The following SRBD1 variants were observed in gnomAD, a reference collection of about 807,000 sequenced individuals.
The protein encoded by SRBD1 is S1 RNA binding domain 1, also known as S1 RNA-binding domain-containing protein 1.
A neutral mutation model predicts 115.3 loss-of-function variants in SRBD1; 88 were observed. That is an observed-to-expected ratio of 0.76 (90% CI 0.64 to 0.91). SRBD1 has a LOEUF of 0.91. Among genes scored for constraint, SRBD1 ranks in the 40% least tolerant of loss-of-function variants. The pLI is 0.00. For missense variants in SRBD1, 1,385 were observed against 1,177.4 expected (o/e 1.18, Z -2.58); for synonymous variants, 509 against 407.7 (o/e 1.25, Z -2.99).
intron 7 of SRBD1, among the ~76,000 whole-genome samples, chr2:45,578,636 C>A (rs967228767): frequency 2.6e-5 from 4 of 152,040 alleles, no homozygotes; most frequent in Non-Finnish European, 4.4e-5. Context: ...GAGACTGCCC[C>A]CTACAGACAT....
intron 14 of SRBD1, among the ~76,000 whole-genome samples, chr2:45,540,964 G>T (rs954154303): frequency 6.6e-6 from 1 of 152,234 alleles, no homozygotes; most frequent in African/African-American, 2.4e-5. Flanking sequence ...CACCTCTGTG[G>T]CCAGTGGTGC....
At chr2:45,549,529 G>C (rs1672228370) in intron 12 of SRBD1, among the ~76,000 whole-genome samples, 1 of 151,402 alleles carries the variant, frequency 6.6e-6, no homozygotes, top group African/African-American at 2.4e-5. Flanking sequence ...TAATGTATGA[G>C]AACAAGCTTC....
chr2:45,456,747 C>G (rs112084402), intron 16 of SRBD1, among the ~76,000 whole-genome samples: 2,043 of 151,798 alleles, frequency 0.013, 47 homozygotes, highest in African/African-American at 0.047. Context: ...TATCTATAAC[C>G]CTGTGTCAAC....
rs757208686 is a variant in SRBD1, at chr2:45,547,636, C to A, written c.1676-24G>T. Reference sequence around the variant, plus strand: ...ACCTTTAAAAAATGAAAAGAATAAGCCATTTTATAAGAAATTACAAAGTGA... The same window carrying A: ...ACCTTTAAAAAATGAAAAGAATAAGACATTTTATAAGAAATTACAAAGTGA... On this transcript the variant is annotated intron_variant, in intron 12 of 20. Coordinates refer to ENST00000263736, the MANE Select transcript of SRBD1 (RefSeq NM_018079.5). 5 of 1,572,522 alleles carry A rather than the reference C, an allele frequency of 3.2e-6. No homozygotes were observed. The South Asian group carries it at 3.5e-5, about 11-fold the overall frequency.
chr2:45,573,161 T>C, intron 9 of SRBD1, 46 bp downstream of exon 9: 1 of 1,526,244 alleles, frequency 6.6e-7, no homozygotes, highest in South Asian at 1.3e-5. Flanking sequence ...TCCAAAATAT[T>C]ATCATTATTA....
intron 7 of SRBD1, among the ~76,000 whole-genome samples, chr2:45,575,427 T>C (rs2104158933): frequency 6.6e-6 from 1 of 152,358 alleles, no homozygotes; most frequent in South Asian, 2.1e-4. Flanking sequence ...TCATTTGCAC[T>C]GCTTTGTTTC....
chr2:45,392,594 A>G (rs1290393460), intron 20 of SRBD1, among the ~76,000 whole-genome samples: 1 of 152,204 alleles, frequency 6.6e-6, no homozygotes, highest in Non-Finnish European at 1.5e-5. Context: ...TTGTGAAGGG[A>G]CTGCTTTACC....
intron 8 of SRBD1, 82 bp downstream of exon 8, chr2:45,574,545 G>C: frequency 1.6e-6 from 2 of 1,276,166 alleles, no homozygotes; most frequent in South Asian, 3.0e-5. Flanking sequence ...AGTTTTTAAT[G>C]AACATTGGTA....
intron 9 of SRBD1, among the ~76,000 whole-genome samples, chr2:45,564,720 A>G (rs906651539): frequency 2.6e-5 from 4 of 152,264 alleles, no homozygotes; most frequent in Admixed American, 6.5e-5. Context: ...CCTTTGAACA[A>G]TACAGGTTTA....
At position 45,477,000 on chromosome 2, in the gene SRBD1, A is replaced by C; in HGVS notation, c.2042T>G (p.Met681Arg). 6.2e-7 allele frequency: 1 copy of C among 1,613,652 alleles called. No homozygotes were observed. The highest frequency in any genetic ancestry group is 8.5e-7 in the Non-Finnish European group (1 of 1,179,808). ...TGATCCACATAGCTTTACCTGATACATTCCAACTCCAATGTGCTTTGGCTC... is the reference window on the plus strand; with the variant it reads ...TGATCCACATAGCTTTACCTGATACCTTCCAACTCCAATGTGCTTTGGCTC... The part of the protein sequence containing the change: ...KIEPKHIGVG[M>R]YQHDVSQTLL... Residue 681 changes from methionine (M) to arginine (R), a missense_variant, in exon 16 of 21, where the codon ATG becomes AGG. Transcript: ENST00000263736.
chr2:45,499,996 T>C (rs1558436653), intron 14 of SRBD1, among the ~76,000 whole-genome samples: 1 of 151,762 alleles, frequency 6.6e-6, no homozygotes. Context: ...GTTGTTTCAT[T>C]TGAATTTTTA....
chr2:45,406,077 A>G (rs1298678035), intron 19 of SRBD1, among the ~76,000 whole-genome samples: 2 of 152,178 alleles, frequency 1.3e-5, no homozygotes, highest in African/African-American at 4.8e-5. Flanking sequence ...AAGCTATTAT[A>G]AAAAACCTTA....
intron 16 of SRBD1, among the ~76,000 whole-genome samples, chr2:45,438,511 G>A (rs1668567717): frequency 6.6e-6 from 1 of 152,188 alleles, no homozygotes. Context: ...TCAATGAATA[G>A]ATGGTAAACA....
At chr2:45,488,456 C>CTCAA in intron 14 of SRBD1, 125 bp from the exon 15 acceptor site, 1 of 637,586 alleles carries the variant, frequency 1.6e-6, no homozygotes, top group South Asian at 2.0e-5. Context: ...CTCTTCATAT[C>CTCAA]TCAATGATAC....
At chr2:45,511,499 G>C (rs1416064357) in intron 14 of SRBD1, among the ~76,000 whole-genome samples, 1 of 152,194 alleles carries the variant, frequency 6.6e-6, no homozygotes, top group African/African-American at 2.4e-5. Context: ...TCAAGGAATA[G>C]AAATACAAAT....
At chr2:45,522,624 A>G (rs1671321148) in intron 14 of SRBD1, among the ~76,000 whole-genome samples, 1 of 152,010 alleles carries the variant, frequency 6.6e-6, no homozygotes, top group South Asian at 2.1e-4. Flanking sequence ...ATTTTCCTCC[A>G]TTTCTGCCAT....
chr2:45,595,278 C>G (rs1258006428), intron 4 of SRBD1, among the ~76,000 whole-genome samples: 1 of 152,154 alleles, frequency 6.6e-6, no homozygotes, highest in African/African-American at 2.4e-5. Flanking sequence ...CGGAAAAAAA[C>G]AGAGGACCAA....
At chr2:45,528,732 G>A (rs775434325) in intron 14 of SRBD1, among the ~76,000 whole-genome samples, 1 of 151,872 alleles carries the variant, frequency 6.6e-6, no homozygotes, top group South Asian at 2.1e-4. Flanking sequence ...GACAAAGCGG[G>A]TGAGGAAAAT....
intron 16 of SRBD1, among the ~76,000 whole-genome samples, chr2:45,422,824 T>G (rs1379876917): frequency 6.6e-6 from 1 of 152,228 alleles, no homozygotes; most frequent in Non-Finnish European, 1.5e-5. Flanking sequence ...GAGTATAAAA[T>G]TTTTCAAATT....
Sources: allele counts gnomAD v4.1 joint callset (sites outside exome capture counted in the v4.1 genomes callset), GRCh38; gene constraint gnomAD v4.1.1; transcripts MANE v1.5; gene names NCBI Gene and HGNC (gene_info 2026-07-23, HGNC 2026-07-21).